GRAP2: variants seen among roughly 807,000 people sequenced by gnomAD.
GRAP2 encodes GRB2-related adapter protein 2.
In GRAP2, 31 loss-of-function variants were observed where a neutral mutation model predicts 43.5. The ratio of observed to expected loss-of-function variants is 0.71; its 90% CI spans 0.54 to 0.96. GRAP2 has a LOEUF of 0.96. Among genes scored for constraint, GRAP2 ranks in the 40% least tolerant of loss-of-function variants. The probability of loss-of-function intolerance (pLI) is 0.00; values close to 1 mark genes in which losing one functional copy is unlikely to be tolerated. For missense variants in GRAP2, 371 were observed against 424.4 expected (o/e 0.87, Z 1.11); for synonymous variants, 156 against 164.8 (o/e 0.95, Z 0.41).
chr22:39,926,875 G>A lies in GRAP2; in HGVS notation c.-14-20218G>A, dbSNP rs73885619. The A allele has an allele frequency of 2.2e-3, 2,198 of 979,212 alleles. 23 individuals carry two copies. In the African/African-American group the frequency reaches 0.024, roughly 11 times the overall value. The allele number at this position is 979,212 out of a possible 1,614,324, so 60.7% of individuals were successfully genotyped here. ...TCAAGTAAGTATAAATATATTTATC[G>A]TGATTGGAATGGGGAAGGGAGACTG... is the stretch of plus-strand genomic sequence containing the variant. On this transcript the variant is annotated intron_variant, in intron 1 of 7. Coordinates refer to ENST00000344138, the MANE Select transcript of GRAP2 (RefSeq NM_004810.4).
Position 39,971,091 on chromosome 22 carries a change from C to T in GRAP2, c.*7C>T, listed in dbSNP as rs768847639. On this transcript the variant is annotated 3_prime_UTR_variant, in exon 8 of 8. Coordinates refer to ENST00000344138, the MANE Select transcript of GRAP2 (RefSeq NM_004810.4). ...GGCACCCATGACCCGATAAACTCTT[C>T]AGGGGACAGAAGCTTTTTGTCTGGA... 15 of 1,602,224 alleles carry T rather than the reference C, an allele frequency of 9.4e-6. No homozygotes were observed. The East Asian group carries it at 3.4e-4, about 36-fold the overall frequency.
At chr22:39,949,638 C>T (rs2145641135) in intron 2 of GRAP2, among the ~76,000 whole-genome samples, 1 of 152,276 alleles carries the variant, frequency 6.6e-6, no homozygotes, top group Non-Finnish European at 1.5e-5. Context: ...GCTTACTAAC[C>T]ATGGAGACTG....
intron 1 of GRAP2, among the ~76,000 whole-genome samples, chr22:39,920,445 G>A (rs760980746): frequency 5.2e-4 from 79 of 152,122 alleles, no homozygotes; most frequent in African/African-American, 1.8e-3. Context: ...CCCTTCTCAC[G>A]GGGCTCCTGC....
At chr22:39,911,221 T>A (rs961706859) in intron 1 of GRAP2, among the ~76,000 whole-genome samples, 2 of 152,172 alleles carry the variant, frequency 1.3e-5, no homozygotes, top group Non-Finnish European at 2.9e-5. Context: ...GTTAATGACT[T>A]CATTTTTGCA....
intron 1 of GRAP2, among the ~76,000 whole-genome samples, chr22:39,934,763 C>T (rs548101910): frequency 6.6e-6 from 1 of 152,096 alleles, no homozygotes; most frequent in South Asian, 2.1e-4. Flanking sequence ...CCCAGCTACT[C>T]GGGAAGCTGA....
At chr22:39,926,471 A>T in intron 1 of GRAP2, 1 of 324,468 alleles carries the variant, frequency 3.1e-6, no homozygotes, top group Non-Finnish European at 4.4e-6. Context: ...TTAGCTCCGT[A>T]AGCCCAACAA....
intron 2 of GRAP2, 22 bp from the exon 3 acceptor site, chr22:39,955,797 T>C: frequency 1.6e-6 from 2 of 1,274,574 alleles, no homozygotes; most frequent in Non-Finnish European, 2.3e-6. Context: ...AATGTCTTTG[T>C]CTTTCCTTTT....
At chr22:39,969,350 G>A (rs1569218984) in intron 6 of GRAP2, 61 bp from the exon 7 acceptor site, 1 of 1,600,506 alleles carries the variant, frequency 6.2e-7, no homozygotes, top group East Asian at 2.2e-5. Context: ...CAAGGCACTG[G>A]GGGAACCGGT....
chr22:39,932,877 G>A (rs566863266), intron 1 of GRAP2, among the ~76,000 whole-genome samples: 16 of 152,248 alleles, frequency 1.1e-4, no homozygotes, highest in Admixed American at 7.2e-4. Context: ...TTTAAAATGA[G>A]GAAACTGAGG....
chr22:39,947,466 G>C, intron 2 of GRAP2: 2 of 418,752 alleles, frequency 4.8e-6, no homozygotes, highest in Non-Finnish European at 8.8e-6. Flanking sequence ...AGTTCTCAGG[G>C]AGCACAGGTG....
chr22:39,912,930 C>T (rs1178842163), intron 1 of GRAP2, among the ~76,000 whole-genome samples: 3 of 151,920 alleles, frequency 2.0e-5, no homozygotes, highest in Non-Finnish European at 4.4e-5. Flanking sequence ...CGGTGGCTCA[C>T]ACCTGTAATC....
intron 1 of GRAP2, among the ~76,000 whole-genome samples, chr22:39,916,264 G>T (rs1316829975): frequency 2.6e-5 from 4 of 152,252 alleles, no homozygotes; most frequent in African/African-American, 9.6e-5. Flanking sequence ...CTCCGTGAAC[G>T]GAAGTGAATG....
At chr22:39,969,107 C>T (rs1421786089) in intron 6 of GRAP2, among the ~76,000 whole-genome samples, 4 of 152,192 alleles carry the variant, frequency 2.6e-5, no homozygotes, top group Non-Finnish European at 5.9e-5. Flanking sequence ...ATGGAAGCTC[C>T]ATGAAGCCAG....
At chr22:39,965,842 G>A (rs1001126436) in intron 4 of GRAP2, 148 bp from the exon 5 acceptor site, 2 of 697,454 alleles carry the variant, frequency 2.9e-6, no homozygotes, top group Non-Finnish European at 5.1e-6. Flanking sequence ...AAGCCTGACT[G>A]GGCTGGCCCA....
upstream of GRAP2, among the ~76,000 whole-genome samples, chr22:39,900,022 C>T: frequency 6.6e-6 from 1 of 152,050 alleles, no homozygotes; most frequent in Non-Finnish European, 1.5e-5. Flanking sequence ...AAAATTACTT[C>T]CTTTAACTCA....
At chr22:39,954,823 C>T (rs1413327669) in intron 2 of GRAP2, among the ~76,000 whole-genome samples, 1 of 152,190 alleles carries the variant, frequency 6.6e-6, no homozygotes, top group Non-Finnish European at 1.5e-5. Context: ...CTGAGGTAGA[C>T]AATAACATTT....
At chr22:39,969,348 T>C in intron 6 of GRAP2, 63 bp from the exon 7 acceptor site, 1 of 1,598,132 alleles carries the variant, frequency 6.3e-7, no homozygotes, top group Non-Finnish European at 8.6e-7. Flanking sequence ...AGCAAGGCAC[T>C]GGGGGAACCG....
At chr22:39,960,230 A>G (rs1403829814) in intron 4 of GRAP2, 56 bp downstream of exon 4, 3 of 1,556,902 alleles carry the variant, frequency 1.9e-6, no homozygotes, top group Non-Finnish European at 2.7e-6. Flanking sequence ...ACCTCACAGA[A>G]TGCTGAAGCC....
chr22:39,933,618 A>G (rs1257198036), intron 1 of GRAP2, among the ~76,000 whole-genome samples: 2 of 152,064 alleles, frequency 1.3e-5, no homozygotes, highest in East Asian at 1.9e-4. Context: ...AGGCAGGTGG[A>G]TCATTAGAGG....
Sources: gnomAD v4.1 joint callset for allele counts (sites outside exome capture counted in the v4.1 genomes callset) on GRCh38, gnomAD v4.1.1 for gene constraint, MANE v1.5 for transcripts, NCBI Gene and HGNC (gene_info 2026-07-23, HGNC 2026-07-21) for gene names.